The following DNM3 variants were observed in gnomAD, a reference collection of about 807,000 sequenced individuals.
The protein encoded by DNM3 is dynamin-3.
Under a neutral mutation model 101.6 loss-of-function variants are expected in DNM3, and 47 were observed. The observed-to-expected ratio is 0.46, with a 90% confidence interval of 0.37 to 0.59. The LOEUF (loss-of-function observed/expected upper bound fraction) is 0.59. Among genes scored for constraint, DNM3 ranks in the 20% least tolerant of loss-of-function variants. DNM3 has a pLI of 0.00. For missense variants in DNM3, 849 were observed against 1,085.7 expected, an observed-to-expected ratio of 0.78 and a Z score of 3.06; for synonymous variants, 385 against 387.9, an observed-to-expected ratio of 0.99 and a Z score of 0.09.
At chr1:171,907,391 T>C (rs1230647279) in intron 1 of DNM3, among the ~76,000 whole-genome samples, 2 of 151,686 alleles carry the variant, frequency 1.3e-5, no homozygotes, top group African/African-American at 4.9e-5. Flanking sequence ...CTGGGGAGGC[T>C]GAGGCAGGAG....
Position 172,409,401 on chromosome 1 carries a change from G to A in DNM3, c.*1560G>A. 1.0e-6 allele frequency: 1 copy of A among 984,984 alleles called. No homozygotes were observed. The highest frequency in any genetic ancestry group is 4.7e-5 in the South Asian group (1 of 21,272). The allele number at this position is 984,984 out of a possible 1,614,324, so 61.0% of individuals were successfully genotyped here. On this transcript the variant is annotated 3_prime_UTR_variant, in exon 21 of 21. Coordinates refer to ENST00000627582, the MANE Select transcript of DNM3 (RefSeq NM_015569.5). ...AAAAACTTTTAACCATTATTAAACA[G>A]AGAACTTGCCATGTTGAGTGCCATT...
At chr1:172,144,951 G>A (rs2057797745) in intron 14 of DNM3, among the ~76,000 whole-genome samples, 2 of 152,168 alleles carry the variant, frequency 1.3e-5, no homozygotes, top group South Asian at 4.1e-4. Flanking sequence ...ACATGGGTCT[G>A]TGCATAAAAT....
intron 13 of DNM3, among the ~76,000 whole-genome samples, chr1:172,102,518 C>T (rs1240648850): frequency 6.6e-6 from 1 of 152,140 alleles, no homozygotes; most frequent in African/African-American, 2.4e-5. Context: ...CATATTTTTA[C>T]AGCCAAGTTG....
intron 1 of DNM3, among the ~76,000 whole-genome samples, chr1:171,905,051 T>C (rs1311144251): frequency 6.6e-6 from 1 of 152,206 alleles, no homozygotes; most frequent in Non-Finnish European, 1.5e-5. Context: ...TTCTTACTGA[T>C]GTGGCTGACT....
At chr1:172,087,692 A>G (rs113753784) in intron 12 of DNM3, among the ~76,000 whole-genome samples, 10 of 151,996 alleles carry the variant, frequency 6.6e-5, no homozygotes, top group African/African-American at 2.4e-4. Flanking sequence ...ATTTCTTTCT[A>G]TCATCATTGC....
chr1:171,905,914 C>T (rs1373604754), intron 1 of DNM3, among the ~76,000 whole-genome samples: 1 of 151,824 alleles, frequency 6.6e-6, no homozygotes, highest in Non-Finnish European at 1.5e-5. Context: ...TTTTTAATTC[C>T]AGGAGGTGGC....
intron 20 of DNM3, among the ~76,000 whole-genome samples, chr1:172,401,428 T>G (rs559041593): frequency 6.6e-6 from 1 of 152,306 alleles, no homozygotes; most frequent in Non-Finnish European, 1.5e-5. Flanking sequence ...CAAAGCAGAT[T>G]ATATTACCAT....
chr1:171,901,818 A>G (rs2038382489), intron 1 of DNM3, among the ~76,000 whole-genome samples: 1 of 152,208 alleles, frequency 6.6e-6, no homozygotes. Flanking sequence ...TTAAAATAAA[A>G]TTTTGGCAAT....
intron 12 of DNM3, among the ~76,000 whole-genome samples, chr1:172,083,279 G>C (rs547878479): frequency 7.1e-6 from 1 of 141,184 alleles, no homozygotes; most frequent in South Asian, 2.3e-4. Flanking sequence ...ATAGTGGGTG[G>C]GGGGGGAATG....
intron 2 of DNM3, among the ~76,000 whole-genome samples, chr1:171,973,915 T>C (rs2044194132): frequency 6.6e-6 from 1 of 152,166 alleles, no homozygotes; most frequent in African/African-American, 2.4e-5. Context: ...TCCTCCCGCC[T>C]TGGCCTCCTA....
At chr1:172,303,662 C>G (rs1207367657) in intron 15 of DNM3, among the ~76,000 whole-genome samples, 1 of 152,220 alleles carries the variant, frequency 6.6e-6, no homozygotes, top group African/African-American at 2.4e-5. Flanking sequence ...GGAAGCACAT[C>G]AGACTAACAG....
intron 15 of DNM3, among the ~76,000 whole-genome samples, chr1:172,297,162 A>G (rs2064208982): frequency 1.3e-5 from 2 of 149,046 alleles, no homozygotes; most frequent in South Asian, 2.1e-4. Context: ...AAAAAAAAAT[A>G]GCATCTTATT....
intron 15 of DNM3, among the ~76,000 whole-genome samples, chr1:172,271,912 A>G (rs943617832): frequency 3.9e-5 from 6 of 152,144 alleles, no homozygotes; most frequent in Non-Finnish European, 8.8e-5. Context: ...TTATCAGAAA[A>G]AGGGAAGGTG....
intron 10 of DNM3, among the ~76,000 whole-genome samples, chr1:172,052,430 A>G (rs2050270257): frequency 6.6e-6 from 1 of 152,210 alleles, no homozygotes; most frequent in South Asian, 2.1e-4. Context: ...ACAAACACTC[A>G]CCTGCTGCCC....
At chr1:172,095,638 G>A (rs1159924306) in intron 13 of DNM3, among the ~76,000 whole-genome samples, 1 of 152,092 alleles carries the variant, frequency 6.6e-6, no homozygotes, top group African/African-American at 2.4e-5. Flanking sequence ...TTTCTGGTTG[G>A]TGGGGCTGAA....
At chr1:171,843,519 T>C (rs2031597367) in intron 1 of DNM3, among the ~76,000 whole-genome samples, 1 of 152,240 alleles carries the variant, frequency 6.6e-6, no homozygotes, top group Admixed American at 6.5e-5. Context: ...ATTTTTGTTT[T>C]TTAAACAAAT....
intron 4 of DNM3, among the ~76,000 whole-genome samples, chr1:172,023,419 T>C (rs1641267454): frequency 6.6e-6 from 1 of 152,200 alleles, no homozygotes; most frequent in African/African-American, 2.4e-5. Flanking sequence ...GTCACGTTTA[T>C]TGAAAATTTA....
intron 18 of DNM3, among the ~76,000 whole-genome samples, chr1:172,382,870 G>A (rs2068988994): frequency 6.6e-6 from 1 of 152,148 alleles, no homozygotes; most frequent in Non-Finnish European, 1.5e-5. Context: ...ACTGGAGTGT[G>A]TGCTGTAGCC....
chr1:172,110,870 T>A (rs1345804949), intron 13 of DNM3, among the ~76,000 whole-genome samples: 2 of 152,100 alleles, frequency 1.3e-5, no homozygotes, highest in African/African-American at 4.8e-5. Context: ...ATCCTGTCTC[T>A]ACGAAAGATA....
Sources: gnomAD v4.1 joint callset for allele counts (sites outside exome capture counted in the v4.1 genomes callset) on GRCh38, gnomAD v4.1.1 for gene constraint, MANE v1.5 for transcripts, NCBI Gene and HGNC (gene_info 2026-07-23, HGNC 2026-07-21) for gene names.